Variants in PTPRD observed in about 807,000 individuals in gnomAD.
PTPRD encodes the protein receptor-type tyrosine-protein phosphatase delta.
PTPRD carries 34 observed loss-of-function variants against 214.5 expected under a neutral mutation model. That is an observed-to-expected ratio of 0.16 (90% CI 0.12 to 0.21). The LOEUF (loss-of-function observed/expected upper bound fraction) is 0.21. Among genes scored for constraint, PTPRD ranks in the 10% least tolerant of loss-of-function variants. PTPRD has a pLI of 1.00. For missense variants in PTPRD, 2,545 were observed against 2,398.7 expected (o/e 1.06, Z -1.27); for synonymous variants, 1,128 against 845.7 (o/e 1.33, Z -5.79).
chr9:9,154,193 C>A (rs1166645336), intron 10 of PTPRD, among the ~76,000 whole-genome samples: 1 of 152,110 alleles, frequency 6.6e-6, no homozygotes, highest in African/African-American at 2.4e-5. Flanking sequence ...ATTAATGCCA[C>A]AATGAATTAC....
chr9:10,436,016 C>T (rs60797071), intron 2 of PTPRD, among the ~76,000 whole-genome samples: 6,645 of 151,756 alleles, frequency 0.044, 508 homozygotes, highest in African/African-American at 0.15. Context: ...ACTATCAATT[C>T]CCTAAGATGA....
chr9:10,426,887 T>C (rs1565961513), intron 2 of PTPRD, among the ~76,000 whole-genome samples: 1 of 152,078 alleles, frequency 6.6e-6, no homozygotes, highest in East Asian at 1.9e-4. Context: ...TGTTTCTGAA[T>C]CTTCCAATGT....
At position 9,704,605 on chromosome 9, in the gene PTPRD, C is replaced by A. The variant is rs141257388; in HGVS notation, c.-287+29928G>T. Among the ~76,000 whole-genome samples, 295 of 152,288 alleles carry A rather than the reference C, an allele frequency of 1.9e-3. 1 individual carries two copies. Among genetic ancestry groups the A allele is most frequent in the African/African-American group, 6.7e-3 (278 of 41,558 alleles). On this transcript the variant is annotated intron_variant, in intron 7 of 45. Coordinates refer to ENST00000381196, the MANE Select transcript of PTPRD (RefSeq NM_002839.4). ...ACAAAAATGCAGCCAAAGTAACGTTCTGGAACTTCCAAGAATATTTCACAA... is the reference window on the plus strand; with the variant it reads ...ACAAAAATGCAGCCAAAGTAACGTTATGGAACTTCCAAGAATATTTCACAA...
chr9:8,901,452 G>T (rs1897673), intron 11 of PTPRD, among the ~76,000 whole-genome samples: 152,341 of 152,358 alleles, frequency 1, 76,162 homozygotes, highest in Non-Finnish European at 1. Flanking sequence ...TTTTGCACAT[G>T]TGTTTACATC....
chr9:8,716,271 G>C (rs7025790), intron 12 of PTPRD, among the ~76,000 whole-genome samples: 12,775 of 152,162 alleles, frequency 0.084, 1,793 homozygotes, highest in African/African-American at 0.29. Context: ...GAGAACCAAA[G>C]GATTTAAATG....
At chr9:9,625,203 A>G (rs1295178651) in intron 7 of PTPRD, among the ~76,000 whole-genome samples, 1 of 152,172 alleles carries the variant, frequency 6.6e-6, no homozygotes, top group African/African-American at 2.4e-5. Context: ...AGTTGGAGGT[A>G]TGTCACAGTG....
chr9:9,483,934 T>C (rs1286503656), intron 8 of PTPRD, among the ~76,000 whole-genome samples: 1 of 151,936 alleles, frequency 6.6e-6, no homozygotes, highest in African/African-American at 2.4e-5. Context: ...ATATTATAAA[T>C]GCTTTTCTAG....
chr9:8,499,868 A>T (rs2136853016), intron 24 of PTPRD, 28 bp from the exon 25 acceptor site: 1 of 1,578,226 alleles, frequency 6.3e-7, no homozygotes. Context: ...GATAAAAGAA[A>T]TTATAGGCAC....
At chr9:9,939,397 G>A (rs1439722215) in intron 4 of PTPRD, among the ~76,000 whole-genome samples, 2 of 152,090 alleles carry the variant, frequency 1.3e-5, no homozygotes, top group Admixed American at 6.6e-5. Flanking sequence ...GTCTTCTTGT[G>A]GCTTGTGCAG....
chr9:10,363,767 GT>G (rs145398106), intron 2 of PTPRD, among the ~76,000 whole-genome samples: 11 of 151,964 alleles, frequency 7.2e-5, no homozygotes, highest in African/African-American at 1.9e-4. Context: ...CCCCTTATGG[GT>G]TTTTTTGCAA....
At chr9:8,521,144 T>C in intron 20 of PTPRD, 133 bp downstream of exon 20, 1 of 1,077,038 alleles carries the variant, frequency 9.3e-7, no homozygotes, top group East Asian at 2.6e-5. Flanking sequence ...ACCACAGATA[T>C]GATTAGGTTA....
chr9:9,948,689 A>T (rs2093095897), intron 4 of PTPRD, among the ~76,000 whole-genome samples: 1 of 152,098 alleles, frequency 6.6e-6, no homozygotes, highest in South Asian at 2.1e-4. Context: ...GTATTCACTT[A>T]ATTTCTGTAA....
rs2056787129 is a variant in PTPRD, at chr9:9,363,140, T to G, written c.-203+34309A>C. On this transcript the variant is annotated intron_variant, in intron 9 of 45. Transcript: ENST00000381196. ...TTTTTTTTTTTTTTTTAACTGTACTTGTGGTCACATTAGAACTGGATATGA... is the reference window on the plus strand; with the variant it reads ...TTTTTTTTTTTTTTTTAACTGTACTGGTGGTCACATTAGAACTGGATATGA... 2.7e-5 allele frequency among the ~76,000 whole-genome samples: 4 copies of G among 149,654 alleles called. No homozygotes were observed. In the East Asian group the frequency reaches 7.9e-4, roughly 30 times the overall value.
intron 14 of PTPRD, among the ~76,000 whole-genome samples, chr9:8,558,311 G>A (rs951764742): frequency 6.6e-6 from 1 of 152,068 alleles, no homozygotes; most frequent in Non-Finnish European, 1.5e-5. Flanking sequence ...GCCTTGCCAG[G>A]AAGAATAAAC....
At chr9:9,950,524 A>G (rs1200688508) in intron 4 of PTPRD, among the ~76,000 whole-genome samples, 1 of 36,938 alleles carries the variant, frequency 2.7e-5, no homozygotes, top group Non-Finnish European at 3.9e-5. Flanking sequence ...GGAGATCGAG[A>G]CCATCCTGGC....
intron 2 of PTPRD, among the ~76,000 whole-genome samples, chr9:10,555,058 T>G (rs2062198455): frequency 6.6e-6 from 1 of 152,218 alleles, no homozygotes; most frequent in Admixed American, 6.5e-5. Context: ...ATTATGAAAT[T>G]GTTATAATTT....
intron 4 of PTPRD, among the ~76,000 whole-genome samples, chr9:9,976,169 T>C (rs1389626646): frequency 6.6e-6 from 1 of 152,122 alleles, no homozygotes; most frequent in Non-Finnish European, 1.5e-5. Flanking sequence ...AAATTAAAAT[T>C]TGATATGCCT....
chr9:9,985,599 T>C (rs1254711542), intron 4 of PTPRD, among the ~76,000 whole-genome samples: 1 of 152,134 alleles, frequency 6.6e-6, no homozygotes, highest in Non-Finnish European at 1.5e-5. Flanking sequence ...AACTGATTTA[T>C]AATAAAAGGA....
intron 2 of PTPRD, among the ~76,000 whole-genome samples, chr9:10,509,062 T>A (rs960615437): frequency 1.3e-5 from 2 of 152,122 alleles, no homozygotes; most frequent in African/African-American, 4.8e-5. Context: ...TTCTCCACTG[T>A]AAATTTATTA....
Sources: allele counts gnomAD v4.1 joint callset (sites outside exome capture counted in the v4.1 genomes callset), GRCh38; gene constraint gnomAD v4.1.1; transcripts MANE v1.5; gene names NCBI Gene and HGNC (gene_info 2026-07-23, HGNC 2026-07-21).